The following CACNG8 variants were observed in gnomAD, a reference collection of about 807,000 sequenced individuals.
CACNG8 encodes the protein calcium voltage-gated channel auxiliary subunit gamma 8, also known as voltage-dependent calcium channel gamma-8 subunit.
In CACNG8, 5 loss-of-function variants were observed where a neutral mutation model predicts 26.9. The observed-to-expected ratio is 0.19, with a 90% CI of 0.10 to 0.39. CACNG8 has a LOEUF of 0.39. CACNG8 is among the 10% of genes least tolerant of loss of function. CACNG8 has a pLI of 1.00. For synonymous variants in CACNG8, 321 were observed against 296.7 expected, an observed-to-expected ratio of 1.08 and a Z score of -0.84; for missense variants, 473 against 609.4, an observed-to-expected ratio of 0.78 and a Z score of 2.36.
chr19:53,979,712 G>T (rs1235842337), intron 2 of CACNG8, among the ~76,000 whole-genome samples, 155 bp from the exon 3 acceptor site: 1 of 151,990 alleles, frequency 6.6e-6, no homozygotes, highest in Non-Finnish European at 1.5e-5. Flanking sequence ...GAGAGAGAAT[G>T]AGGCAACAGT....
In CACNG8 at chr19:53,988,942, A is replaced by C. The variant is rs1455400891; in HGVS notation, c.*6093A>C. On this transcript the variant is annotated 3_prime_UTR_variant, in exon 4 of 4. Transcript: ENST00000270458. The stretch of plus-strand genomic sequence containing the variant: ...GGGGAAGAACACGTTTTCATCATTC[A>C]TTTTCAGAAATAAACATTCACTCAG... 6.6e-6 allele frequency: 1 copy of C among 152,146 alleles called. No homozygotes were observed. The highest frequency in any genetic ancestry group is 2.4e-5 in the African/African-American group (1 of 41,418). The allele number at this position is 152,146 out of a possible 1,614,324, so 9.4% of individuals were successfully genotyped here.
chr19:53,979,168 C>T (rs995039390), intron 2 of CACNG8, among the ~76,000 whole-genome samples: 1 of 123,768 alleles, frequency 8.1e-6, no homozygotes, highest in African/African-American at 3.1e-5. Flanking sequence ...GGGAGAGAGA[C>T]TTAGGAAGAC....
chr19:53,964,163 C>T (rs1008304789), intron 1 of CACNG8, among the ~76,000 whole-genome samples: 2 of 151,952 alleles, frequency 1.3e-5, no homozygotes, highest in Non-Finnish European at 2.9e-5. Context: ...CCTGCCCCTT[C>T]ATTTCCTCTC....
Position 53,986,529 on chromosome 19 carries a change from A to T in CACNG8, c.*3680A>T, listed in dbSNP as rs2069409219. The T allele has an allele frequency of 6.6e-6, 1 of 152,226 alleles. No homozygotes were observed. The highest frequency in any genetic ancestry group is 2.4e-5 in the African/African-American group (1 of 41,456). The allele number at this position is 152,226 out of a possible 1,614,324, so 9.4% of individuals were successfully genotyped here. A position where few individuals can be genotyped will look rare whatever the true frequency, so the allele number is the denominator to read the frequency against. ...CGAGGCTGGTGGATCACTTGAGGTC[A>T]GGAGTTCGAGACCAGCCTGGTCAAC... On this transcript the variant is annotated 3_prime_UTR_variant, in exon 4 of 4. Transcript: ENST00000270458.
chr19:53,969,065 G>T (rs1331578808), intron 1 of CACNG8, among the ~76,000 whole-genome samples: 4 of 151,960 alleles, frequency 2.6e-5, no homozygotes, highest in Non-Finnish European at 4.4e-5. Flanking sequence ...GTGCAGAGGC[G>T]CGATCTCAAC....
Position 53,982,204 on chromosome 19 carries a change from G to A in CACNG8, c.633G>A (p.Leu211=). Residue 211 remains leucine (L), a synonymous_variant, in exon 4 of 4, where the codon CTG becomes CTA. Transcript: ENST00000270458. This position sits in a 1 kb window ranked among gnomAD's most constrained non-coding sequence, Gnocchi z 8.4. The stretch of plus-strand genomic sequence containing the variant: ...GCTGGTCCTTCTACTTCGGCGGGCT[G>A]TCGTTCATCCTGGCCGAGGTGATAG... The A allele has an allele frequency of 6.2e-7, 1 of 1,613,168 alleles. No homozygotes were observed. The highest frequency in any genetic ancestry group is 8.5e-7 in the Non-Finnish European group (1 of 1,179,746).
rs1241496592 is a variant in CACNG8, at chr19:53,980,789, A to ACC, written c.508+782_508+783insCC. On this transcript the variant is annotated intron_variant, in intron 3 of 3. Coordinates refer to ENST00000270458, the MANE Select transcript of CACNG8 (RefSeq NM_031895.6). ...GGACTGGAACACTTAAGAGGCACGC[A>ACC]ATTAAGGGGTAAGGCCCCCTTTCTA... Among the ~76,000 whole-genome samples, 3 of 152,188 alleles carry ACC rather than the reference A, an allele frequency of 2.0e-5. No homozygotes were observed. In the East Asian group the frequency reaches 5.8e-4, roughly 29 times the overall value.
chr19:53,982,046 G>T lies in CACNG8; in HGVS notation c.509-34G>T. 1 of 1,523,114 alleles carries T rather than the reference G, an allele frequency of 6.6e-7. No individual in the cohort carries two copies. Among genetic ancestry groups the T allele is most frequent in the East Asian group, 2.6e-5 (1 of 38,404 alleles). 94.3% of individuals were successfully genotyped at this position (1,523,114 alleles called of 1,614,324 possible). On this transcript the variant is annotated intron_variant, in intron 3 of 3. Transcript: ENST00000270458. The surrounding 1 kb of genome is among the most constrained non-coding windows in gnomAD (Gnocchi z 8.4). ...GGGGGCGGGGGCGGGGCCGGGGGTG[G>T]CCTCGAGGCTCCCGTCTGACCGTCC...
At chr19:53,967,470 C>T (rs770287427) in intron 1 of CACNG8, among the ~76,000 whole-genome samples, 10 of 152,168 alleles carry the variant, frequency 6.6e-5, no homozygotes, top group Non-Finnish European at 1.3e-4. Context: ...CACGACTACT[C>T]GTGAAAACGA....
rs2069392326 is a variant in CACNG8 at position 53,984,004 on chromosome 19, A to C, written c.*1155A>C. ...AATGGTGTACAAAGGGAAGACAGGA[A>C]CTCGGAGGCAAGAGTAGGAGGCAGA... On this transcript the variant is annotated 3_prime_UTR_variant, in exon 4 of 4. Transcript: ENST00000270458. 6.6e-6 allele frequency: 1 copy of C among 152,270 alleles called. No homozygotes were observed. Among genetic ancestry groups the C allele is most frequent in the Non-Finnish European group, 1.5e-5 (1 of 68,092 alleles). The allele number at this position is 152,270 out of a possible 1,614,324, so 9.4% of individuals were successfully genotyped here.
chr19:53,967,842 C>A lies in CACNG8; in HGVS notation c.283+4417C>A, dbSNP rs543515497. Among the ~76,000 whole-genome samples the A allele has an allele frequency of 6.5e-4, 97 of 149,948 alleles. 1 individual carries two copies. The East Asian group carries it at 0.015, about 24-fold the overall frequency. ...AGAGAGAGACTCTAAGAAAAAAAAACTTTTTTTTTTGAATTCCATGTCATT... is the reference window on the plus strand; with the variant it reads ...AGAGAGAGACTCTAAGAAAAAAAAAATTTTTTTTTTGAATTCCATGTCATT... On this transcript the variant is annotated intron_variant, in intron 1 of 3. Coordinates refer to ENST00000270458, the MANE Select transcript of CACNG8 (RefSeq NM_031895.6).
In CACNG8 at chr19:53,982,895, G is replaced by T. The variant is rs929964852; in HGVS notation, c.*46G>T. 34 of 1,201,322 alleles carry T rather than the reference G, an allele frequency of 2.8e-5. No homozygotes were observed. Among genetic ancestry groups the T allele is most frequent in the African/African-American group, 1.1e-4 (7 of 61,398 alleles). The allele number at this position is 1,201,322 out of a possible 1,614,324, so 74.4% of individuals were successfully genotyped here. On this transcript the variant is annotated 3_prime_UTR_variant, in exon 4 of 4. Transcript: ENST00000270458. The surrounding 1 kb of genome is among the most constrained non-coding windows in gnomAD (Gnocchi z 8.4). ...GGGGCGTGTCCGGGGCGCGTGCGCG[G>T]GCGCGCGTGCATCGAGGCTGCCGGG...
At position 53,978,137 on chromosome 19, in the gene CACNG8, C is replaced by T. The variant is rs773393347; in HGVS notation, c.284-9C>T. 4.4e-6 allele frequency: 7 copies of T among 1,608,956 alleles called. No individual in the cohort carries two copies. Among genetic ancestry groups the T allele is most frequent in the Middle Eastern group, 3.3e-4 (2 of 6,056 alleles). On this transcript the variant is annotated splice_polypyrimidine_tract_variant and intron_variant, in intron 1 of 3. Coordinates refer to ENST00000270458, the MANE Select transcript of CACNG8 (RefSeq NM_031895.6). ...TCCGCCCCCACCACTGCCCTCCCCGCTCCTCCAGGGTTGAAAAGAGGCGTC... is the reference window on the plus strand; with the variant it reads ...TCCGCCCCCACCACTGCCCTCCCCGTTCCTCCAGGGTTGAAAAGAGGCGTC...
chr19:53,983,579 A>G lies in CACNG8; in HGVS notation c.*730A>G, dbSNP rs2069388938. 6.6e-6 allele frequency: 1 copy of G among 152,246 alleles called. No individual in the cohort carries two copies. The allele number at this position is 152,246 out of a possible 1,614,324, so 9.4% of individuals were successfully genotyped here. On this transcript the variant is annotated 3_prime_UTR_variant, in exon 4 of 4. Coordinates refer to ENST00000270458, the MANE Select transcript of CACNG8 (RefSeq NM_031895.6). ...CAGGGGCCCCGACGTCTCATAGAGT[A>G]AACATCTTGTGCATGAGACAGGCAT... is the stretch of plus-strand genomic sequence containing the variant.
intron 3 of CACNG8, among the ~76,000 whole-genome samples, chr19:53,980,883 G>C (rs1316988352): frequency 6.6e-6 from 1 of 152,206 alleles, no homozygotes; most frequent in Non-Finnish European, 1.5e-5. Context: ...ACAGAGAAGA[G>C]GGAGGGCTTT....
chr19:53,978,029 C>T, intron 1 of CACNG8, 117 bp from the exon 2 acceptor site: 1 of 676,068 alleles, frequency 1.5e-6, no homozygotes. Context: ...TTGCGGTCTC[C>T]CAAGCAGCCC....
At chr19:53,964,946 C>T (rs1036914371) in intron 1 of CACNG8, among the ~76,000 whole-genome samples, 1 of 152,118 alleles carries the variant, frequency 6.6e-6, no homozygotes, top group African/African-American at 2.4e-5. Context: ...CTTTTTCATC[C>T]CCCTCTATTT....
intron 2 of CACNG8, 65 bp downstream of exon 2, chr19:53,978,294 G>A: frequency 7.4e-7 from 1 of 1,352,310 alleles, no homozygotes; most frequent in Non-Finnish European, 1.0e-6. Flanking sequence ...AGGCGTCGGG[G>A]TGGGTGCCGG....
At chr19:53,980,597 AGGCT>A (rs2145941197) in intron 3 of CACNG8, among the ~76,000 whole-genome samples, 2 of 151,990 alleles carry the variant, frequency 1.3e-5, no homozygotes, top group South Asian at 4.2e-4. Flanking sequence ...GGAGAAGGAG[AGGCT>A]AGAAAAGACG....
Sources: allele counts gnomAD v4.1 joint callset (sites outside exome capture counted in the v4.1 genomes callset), GRCh38; gene constraint gnomAD v4.1.1; non-coding constraint Gnocchi (gnomAD v3.1); transcripts MANE v1.5; gene names NCBI Gene and HGNC (gene_info 2026-07-23, HGNC 2026-07-21).